The following CSMD1 variants were observed in gnomAD, a reference collection of about 807,000 sequenced individuals.
The protein encoded by CSMD1 is CUB and sushi domain-containing protein 1.
CSMD1 carries 213 observed loss-of-function variants against 417.5 expected under a neutral mutation model. The observed-to-expected ratio is 0.51, with a 90% CI of 0.46 to 0.57. The LOEUF (loss-of-function observed/expected upper bound fraction) is 0.57. Ranked by LOEUF, CSMD1 falls within the 20% of genes least tolerant of loss-of-function variation. The pLI is 0.00. For missense variants in CSMD1, 6,923 were observed against 4,529.7 expected (o/e 1.53, Z -15.17); for synonymous variants, 2,862 against 1,736.8 (o/e 1.65, Z -16.11).
intron 1 of CSMD1, among the ~76,000 whole-genome samples, chr8:4,761,036 T>A (rs1214355838): frequency 1.3e-5 from 2 of 152,194 alleles, no homozygotes; most frequent in Non-Finnish European, 2.9e-5. Flanking sequence ...ATACACAGTA[T>A]GTTGTATCTC....
At chr8:4,286,936 A>G (rs779127) in intron 3 of CSMD1, among the ~76,000 whole-genome samples, 9,007 of 152,216 alleles carry the variant, frequency 0.059, 328 homozygotes, top group South Asian at 0.15. Context: ...ATTGGATAGG[A>G]GTCAATAACA....
intron 3 of CSMD1, among the ~76,000 whole-genome samples, chr8:4,279,629 T>C (rs959579000): frequency 6.6e-6 from 1 of 152,230 alleles, no homozygotes; most frequent in Non-Finnish European, 1.5e-5. Context: ...TGCTTAACTT[T>C]GGATGTGGTA....
In CSMD1 at chr8:4,368,352, G is replaced by C. The variant is rs955395493; in HGVS notation, c.415+51601C>G. Among the ~76,000 whole-genome samples the C allele has an allele frequency of 2.0e-5, 3 of 152,100 alleles. No homozygotes were observed. The East Asian group carries it at 5.8e-4, about 29-fold the overall frequency. On this transcript the variant is annotated intron_variant, in intron 3 of 69. Coordinates refer to ENST00000635120, the MANE Select transcript of CSMD1 (RefSeq NM_033225.6). The stretch of plus-strand genomic sequence containing the variant: ...GGTATACAGCCTACTTTATTGTGGT[G>C]AATTAGCTTTTTCATCTGCTGCTGG...
rs72331833 is a variant in CSMD1, at chr8:3,720,620, T to TTCACACACACACACACACAC, written c.932-12130_932-12129insGTGTGTGTGTGTGTGTGTGA. On this transcript the variant is annotated intron_variant, in intron 6 of 69. Coordinates refer to ENST00000635120, the MANE Select transcript of CSMD1 (RefSeq NM_033225.6). ...CATTGGTGGTCAAAGTCTTTATTCT[T>TTCACACACACACACACACAC]ACACACACACACACACACACACACA... is the stretch of plus-strand genomic sequence containing the variant. Among the ~76,000 whole-genome samples the TTCACACACACACACACACAC allele has an allele frequency of 1.1e-3, 158 of 143,410 alleles. 1 individual carries two copies. The highest frequency in any genetic ancestry group is 3.2e-3 in the African/African-American group (122 of 37,930). The allele number at this position is 143,410 out of a possible 152,430, so 94.1% of individuals were successfully genotyped here.
At chr8:4,104,130 T>C (rs1402738594) in intron 3 of CSMD1, among the ~76,000 whole-genome samples, 1 of 152,250 alleles carries the variant, frequency 6.6e-6, no homozygotes, top group African/African-American at 2.4e-5. Context: ...AGAGTGTTGA[T>C]TCAGTCCCTC....
At chr8:4,183,282 T>G (rs113656785) in intron 3 of CSMD1, among the ~76,000 whole-genome samples, 1 of 152,158 alleles carries the variant, frequency 6.6e-6, no homozygotes, top group African/African-American at 2.4e-5. Flanking sequence ...TGTAAAAAAA[T>G]ATTTACACTA....
intron 3 of CSMD1, among the ~76,000 whole-genome samples, chr8:4,053,117 C>T (rs1018158080): frequency 1.3e-5 from 2 of 152,130 alleles, no homozygotes; most frequent in East Asian, 1.9e-4. Context: ...GGACCCCTTG[C>T]CCAGGAAGCT....
In CSMD1 at chr8:4,250,293, G is replaced by C. The variant is rs878875499; in HGVS notation, c.415+169660C>G. On this transcript the variant is annotated intron_variant, in intron 3 of 69. Transcript: ENST00000635120. Reference sequence around the variant, plus strand: ...CTAGTGATATAAATAGCCCAGCTCAGCTTAGGAGTCCTGGTGGAATTTTCC... The same window carrying C: ...CTAGTGATATAAATAGCCCAGCTCACCTTAGGAGTCCTGGTGGAATTTTCC... Among the ~76,000 whole-genome samples the C allele has an allele frequency of 3.9e-5, 6 of 152,192 alleles. 1 individual carries two copies. The highest frequency in any genetic ancestry group is 3.9e-4 in the Admixed American group (6 of 15,284).
At chr8:4,399,294 G>C (rs974775012) in intron 3 of CSMD1, among the ~76,000 whole-genome samples, 1 of 152,148 alleles carries the variant, frequency 6.6e-6, no homozygotes, top group Non-Finnish European at 1.5e-5. Context: ...TTAGTAATGA[G>C]GGAGCTTCAA....
At position 4,505,447 on chromosome 8, in the gene CSMD1, A is replaced by G. The variant is rs148321856; in HGVS notation, c.303-85382T>C. On this transcript the variant is annotated intron_variant, in intron 2 of 69. Transcript: ENST00000635120. ...TGAAACAAAATATCTCGATTTAAACAGTAATAATTGGTATTTTATTTCAGA... is the reference window on the plus strand; with the variant it reads ...TGAAACAAAATATCTCGATTTAAACGGTAATAATTGGTATTTTATTTCAGA... Among the ~76,000 whole-genome samples the G allele has an allele frequency of 1.1e-3, 164 of 152,330 alleles. 3 individuals are homozygous for G. In the East Asian group the frequency reaches 0.029, roughly 27 times the overall value.
intron 23 of CSMD1, among the ~76,000 whole-genome samples, chr8:3,316,809 C>G (rs529564619): frequency 6.6e-6 from 1 of 151,928 alleles, no homozygotes; most frequent in Non-Finnish European, 1.5e-5. Context: ...GGGAAGGCAA[C>G]GGAGAAGACT....
intron 7 of CSMD1, among the ~76,000 whole-genome samples, chr8:3,629,206 C>T (rs965689784): frequency 6.6e-6 from 1 of 152,080 alleles, no homozygotes; most frequent in African/African-American, 2.4e-5. Flanking sequence ...ACAGCTTCAA[C>T]TGAGAAACAA....
At chr8:3,846,409 G>A (rs975099750) in intron 5 of CSMD1, among the ~76,000 whole-genome samples, 2 of 151,906 alleles carry the variant, frequency 1.3e-5, no homozygotes, top group African/African-American at 2.4e-5. Flanking sequence ...ATAAACATAT[G>A]TAAGTTTTGA....
chr8:3,451,161 T>C (rs577334473), intron 12 of CSMD1, among the ~76,000 whole-genome samples: 1 of 152,330 alleles, frequency 6.6e-6, no homozygotes, highest in Non-Finnish European at 1.5e-5. Flanking sequence ...TTGATGGGGT[T>C]GCTTGTTTTC....
intron 26 of CSMD1, among the ~76,000 whole-genome samples, chr8:3,265,849 G>C (rs999621522): frequency 6.6e-6 from 1 of 152,050 alleles, no homozygotes; most frequent in Non-Finnish European, 1.5e-5. Context: ...TGATGCAGTA[G>C]CTCAGGTGGG....
chr8:3,215,384 T>C (rs1292036037), intron 29 of CSMD1, among the ~76,000 whole-genome samples: 2 of 152,196 alleles, frequency 1.3e-5, no homozygotes, highest in African/African-American at 2.4e-5. Context: ...GTTAAAATAA[T>C]TGCTGAAATT....
rs148870893 is a variant in CSMD1 at position 4,977,872 on chromosome 8, A to C, written c.85+16460T>G. 1.8e-3 allele frequency among the ~76,000 whole-genome samples: 277 copies of C among 152,350 alleles called. 1 individual carries two copies. The highest frequency in any genetic ancestry group is 6.5e-3 in the African/African-American group (272 of 41,592). ...GACTAAGCACAGTGGAAGAAGACCC[A>C]TCATCAATACTTAATCAACTCATTC... On this transcript the variant is annotated intron_variant, in intron 1 of 69. Transcript: ENST00000635120.
chr8:4,834,562 G>A (rs1371650043), intron 1 of CSMD1, among the ~76,000 whole-genome samples: 1 of 151,918 alleles, frequency 6.6e-6, no homozygotes, highest in East Asian at 1.9e-4. Flanking sequence ...TAGAAGGGAA[G>A]AACGAAGTAA....
intron 41 of CSMD1, among the ~76,000 whole-genome samples, chr8:3,119,127 C>T (rs901327516): frequency 1.3e-5 from 2 of 151,970 alleles, no homozygotes; most frequent in South Asian, 4.1e-4. Context: ...TTGCAGTGAG[C>T]CGAGATCTTG....
Sources: allele counts gnomAD v4.1 joint callset (sites outside exome capture counted in the v4.1 genomes callset), GRCh38; gene constraint gnomAD v4.1.1; transcripts MANE v1.5; gene names NCBI Gene and HGNC (gene_info 2026-07-23, HGNC 2026-07-21).